PXDNL: variants seen among roughly 807,000 people sequenced by gnomAD.
PXDNL encodes peroxidasin like, also known as probable oxidoreductase PXDNL.
A neutral mutation model predicts 150.8 loss-of-function variants in PXDNL; 145 were observed. That is an observed-to-expected ratio of 0.96 (90% CI 0.84 to 1.10). The LOEUF (loss-of-function observed/expected upper bound fraction) is 1.10. Ranked by LOEUF, PXDNL falls within the 50% of genes least tolerant of loss-of-function variation. PXDNL has a pLI of 0.00. For synonymous variants in PXDNL, 757 were observed against 725.7 expected (o/e 1.04, Z -0.69); for missense variants, 2,087 against 1,873.9 (o/e 1.11, Z -2.10).
chr8:51,607,806 C>T (rs1374646869), intron 2 of PXDNL, among the ~76,000 whole-genome samples: 2 of 132,744 alleles, frequency 1.5e-5, no homozygotes, highest in Non-Finnish European at 3.1e-5. Context: ...CACCACTGCA[C>T]TCCAATTTGA....
At chr8:51,448,975 C>T (rs1362961345) in intron 11 of PXDNL, 27 bp downstream of exon 11, 1 of 1,225,738 alleles carries the variant, frequency 8.2e-7, no homozygotes, top group Admixed American at 2.0e-5. Context: ...TATTTTTCCC[C>T]ACAATTACCT....
chr8:51,762,795 T>G (rs1365010623), intron 1 of PXDNL, among the ~76,000 whole-genome samples: 1 of 152,192 alleles, frequency 6.6e-6, no homozygotes, highest in African/African-American at 2.4e-5. Flanking sequence ...GTCACTCATA[T>G]TTGGCTCAGA....
In PXDNL at chr8:51,656,095, G is replaced by T. The variant is rs577976875; in HGVS notation, c.165-1335C>A. ...GTATATCAGGGAAATTTTATAGGGCGCTAGAATGGCAGTAATAGAATAAAA... is the reference window on the plus strand; with the variant it reads ...GTATATCAGGGAAATTTTATAGGGCTCTAGAATGGCAGTAATAGAATAAAA... On this transcript the variant is annotated intron_variant, in intron 1 of 22. Transcript: ENST00000356297. 2.6e-5 allele frequency among the ~76,000 whole-genome samples: 4 copies of T among 152,226 alleles called. No individual in the cohort carries two copies. In the South Asian group the frequency reaches 8.3e-4, roughly 32 times the overall value.
At chr8:51,719,131 T>C (rs1816677254) in intron 1 of PXDNL, among the ~76,000 whole-genome samples, 1 of 152,104 alleles carries the variant, frequency 6.6e-6, no homozygotes. Flanking sequence ...CCCTCTGCCC[T>C]GCCGCCACCC....
chr8:51,380,132 A>T lies in PXDNL; in HGVS notation c.3558-5401T>A, dbSNP rs572554617. ...ACTAAGAATAGCTGACGAGCTAAAA[A>T]AAAAAAAATAACAAAAAAACTCATA... is the stretch of plus-strand genomic sequence containing the variant. On this transcript the variant is annotated intron_variant, in intron 17 of 22. Transcript: ENST00000356297. 3.5e-3 allele frequency among the ~76,000 whole-genome samples: 536 copies of T among 152,154 alleles called. 2 individuals are homozygous for T. The highest frequency in any genetic ancestry group is 0.012 in the African/African-American group (503 of 41,518).
intron 1 of PXDNL, among the ~76,000 whole-genome samples, chr8:51,770,668 G>A (rs1223588849): frequency 6.6e-6 from 1 of 152,184 alleles, no homozygotes; most frequent in African/African-American, 2.4e-5. Context: ...GTCAAAACAG[G>A]TACACCATAG....
chr8:51,392,582 T>C (rs932735244), intron 17 of PXDNL, among the ~76,000 whole-genome samples: 12 of 152,214 alleles, frequency 7.9e-5, no homozygotes, highest in African/African-American at 2.7e-4. Flanking sequence ...TTTTTGTACA[T>C]TGATTTTGTA....
intron 1 of PXDNL, among the ~76,000 whole-genome samples, chr8:51,806,038 G>A (rs1253504012): frequency 6.6e-6 from 1 of 152,170 alleles, no homozygotes; most frequent in Non-Finnish European, 1.5e-5. Flanking sequence ...CTCAATGGCA[G>A]CAGGCTTTTT....
intron 1 of PXDNL, among the ~76,000 whole-genome samples, chr8:51,698,462 G>A (rs1816189386): frequency 6.6e-6 from 1 of 152,144 alleles, no homozygotes; most frequent in Non-Finnish European, 1.5e-5. Context: ...TCATGAGATT[G>A]CAGCAATTTA....
rs747085562 is a variant in PXDNL at position 51,408,227 on chromosome 8, C to A, written c.3397G>T (p.Ala1133Ser). The change falls in exon 17 of 23, where the codon GCG becomes TCG. Residue 1133 changes from alanine to serine, a missense_variant. Ala to Ser is a moderately conservative substitution (Grantham distance 99). Transcript: ENST00000356297. ...ATGGTGGCAGCCGAATCCACGGCCG[C>A]AGAATAAGCCGCGGAGAAGAGCCTC... ...TQRLFSAAYS[A>S]AVDSAATIIQ... 4.3e-6 allele frequency: 7 copies of A among 1,613,990 alleles called. No individual in the cohort carries two copies. In the Admixed American group the frequency reaches 5.0e-5, roughly 12 times the overall value.
chr8:51,647,069 T>C (rs1814936239), intron 2 of PXDNL, among the ~76,000 whole-genome samples: 2 of 152,172 alleles, frequency 1.3e-5, no homozygotes. Flanking sequence ...ATTTTGGAGC[T>C]TTCTTTTTGG....
intron 11 of PXDNL, 149 bp from the exon 12 acceptor site, chr8:51,447,311 C>A: frequency 1.5e-6 from 1 of 655,522 alleles, no homozygotes; most frequent in African/African-American, 1.8e-5. Context: ...AGGATTGCAA[C>A]CCCAGAAACA....
At chr8:51,404,068 T>C (rs1304278518) in intron 17 of PXDNL, among the ~76,000 whole-genome samples, 3 of 152,196 alleles carry the variant, frequency 2.0e-5, no homozygotes, top group African/African-American at 7.2e-5. Context: ...CTGTCTGGGC[T>C]TGTTCATTCT....
rs1805262983 is a variant in PXDNL, at chr8:51,319,857, T to C, written c.*34A>G. The C allele has an allele frequency of 1.4e-6, 2 of 1,437,698 alleles. No individual in the cohort carries two copies. Among genetic ancestry groups the C allele is most frequent in the African/African-American group, 1.5e-5 (1 of 68,748 alleles). 89.1% of individuals were successfully genotyped at this position (1,437,698 alleles called of 1,614,324 possible). On this transcript the variant is annotated 3_prime_UTR_variant, in exon 23 of 23. Transcript: ENST00000356297. ...TCCTAAATGTCTCTTCCTGAGAAAT[T>C]TCCCATTTGGGGCTCAACAGCACAA...
chr8:51,645,273 A>G (rs973572616), intron 2 of PXDNL, among the ~76,000 whole-genome samples: 5 of 152,168 alleles, frequency 3.3e-5, no homozygotes, highest in Non-Finnish European at 7.4e-5. Context: ...AGGGACAGCC[A>G]TCTGCTGTCC....
chr8:51,376,802 T>C (rs112552462), intron 17 of PXDNL, among the ~76,000 whole-genome samples: 1,799 of 151,710 alleles, frequency 0.012, 42 homozygotes, highest in African/African-American at 0.041. Flanking sequence ...CACTGCAAGC[T>C]CCACCTCCCG....
At chr8:51,458,124 C>T (rs936411800) in intron 8 of PXDNL, among the ~76,000 whole-genome samples, 19 of 152,294 alleles carry the variant, frequency 1.2e-4, no homozygotes, top group East Asian at 9.6e-4. Context: ...CAAACCAGCA[C>T]GGGCTCAAAG....
At chr8:51,787,538 A>G (rs776329744) in intron 1 of PXDNL, among the ~76,000 whole-genome samples, 3 of 152,234 alleles carry the variant, frequency 2.0e-5, no homozygotes, top group Non-Finnish European at 2.9e-5. Context: ...GAGAATCTCA[A>G]GAAAACTAGA....
intron 2 of PXDNL, among the ~76,000 whole-genome samples, chr8:51,614,010 C>T (rs1159895607): frequency 6.6e-6 from 1 of 152,198 alleles, no homozygotes; most frequent in African/African-American, 2.4e-5. Flanking sequence ...CACTGCTTGT[C>T]GCATTAGCCT....
Sources: gnomAD v4.1 joint callset for allele counts (sites outside exome capture counted in the v4.1 genomes callset) on GRCh38, gnomAD v4.1.1 for gene constraint, MANE v1.5 for transcripts, NCBI Gene and HGNC (gene_info 2026-07-23, HGNC 2026-07-21) for gene names.